The following ZBTB20 variants were observed in gnomAD, a reference collection of about 807,000 sequenced individuals.
ZBTB20 encodes the protein zinc finger and BTB domain containing 20, also known as zinc finger and BTB domain-containing protein 20.
In ZBTB20, 9 loss-of-function variants were observed where a neutral mutation model predicts 56.9. The ratio of observed to expected loss-of-function variants is 0.16; its 90% confidence interval spans 0.10 to 0.28. The LOEUF (loss-of-function observed/expected upper bound fraction) is 0.28. Among genes scored for constraint, ZBTB20 ranks in the 10% least tolerant of loss-of-function variants. The pLI, the probability that ZBTB20 is intolerant of heterozygous loss-of-function variation, is 1.00. For missense variants in ZBTB20, 655 were observed against 1,003.0 expected (o/e 0.65, Z 4.69); for synonymous variants, 417 against 420.7 (o/e 0.99, Z 0.11).
At chr3:114,950,156 T>C (rs533478021) in intron 3 of ZBTB20, among the ~76,000 whole-genome samples, 3 of 152,220 alleles carry the variant, frequency 2.0e-5, no homozygotes, top group South Asian at 2.1e-4. Context: ...CCTTTATCCA[T>C]GGGGAATACA....
chr3:114,964,580 C>G (rs2077576797), intron 3 of ZBTB20, among the ~76,000 whole-genome samples: 1 of 152,120 alleles, frequency 6.6e-6, no homozygotes, highest in South Asian at 2.1e-4. Flanking sequence ...CAGACTATAG[C>G]AGGCTAAATG....
intron 6 of ZBTB20, among the ~76,000 whole-genome samples, chr3:114,576,782 C>T (rs1442533521): frequency 4.4e-5 from 2 of 45,286 alleles, no homozygotes; most frequent in Non-Finnish European, 5.7e-5. Context: ...GGTAATCACA[C>T]ATCAAAAAAG....
At chr3:114,387,743 C>CT (rs2085329097) in intron 8 of ZBTB20, 1 of 152,220 alleles carries the variant, frequency 6.6e-6, no homozygotes, top group South Asian at 2.1e-4. Flanking sequence ...ATTCCTTGCA[C>CT]TTGAACTTAA....
At chr3:114,447,795 G>C (rs558599156) in intron 7 of ZBTB20, among the ~76,000 whole-genome samples, 1 of 152,132 alleles carries the variant, frequency 6.6e-6, no homozygotes, top group Admixed American at 6.5e-5. Flanking sequence ...CAACCACTTA[G>C]AGGCTCTGGA....
chr3:114,351,371 G>C lies in ZBTB20; in HGVS notation c.707C>G (p.Pro236Arg). 6.2e-7 allele frequency: 1 copy of C among 1,611,496 alleles called. No individual in the cohort carries two copies. Residue 236 changes from proline to arginine, a missense_variant, in exon 11 of 12, where the codon CCA becomes CGA. Physicochemically the swap from Pro to Arg is moderately radical, Grantham distance 103 (BLOSUM62 -2). Around this residue, in one of 10 missense-constraint regions of ZBTB20, gnomAD observed 167 missense variants for 281.9 expected, o/e 0.59. Coordinates refer to ENST00000675478, the MANE Select transcript of ZBTB20 (RefSeq NM_001348800.3). ...GTAGATCCTGTCCACGCTGTGCTGT[G>C]GGTGGCTCTGCAGGTAGCCCGACTC... Reference protein sequence around the residue: ...DTESGYLQSHPQHSVDRIYSA... With the variant: ...DTESGYLQSHRQHSVDRIYSA...
chr3:114,621,586 A>G (rs2058322796), intron 6 of ZBTB20, among the ~76,000 whole-genome samples: 1 of 152,178 alleles, frequency 6.6e-6, no homozygotes, highest in Non-Finnish European at 1.5e-5. Flanking sequence ...TTATTGGGGT[A>G]ACAACAATTC....
At chr3:115,146,684 T>G (rs926608815) in intron 1 of ZBTB20, among the ~76,000 whole-genome samples, 4 of 151,996 alleles carry the variant, frequency 2.6e-5, no homozygotes, top group Admixed American at 6.5e-5. Context: ...CCCAGTTCTC[T>G]GAAGACGCTC....
chr3:114,491,744 C>A (rs1053138575), intron 7 of ZBTB20, among the ~76,000 whole-genome samples: 2 of 152,138 alleles, frequency 1.3e-5, no homozygotes, highest in African/African-American at 4.8e-5. Flanking sequence ...GCTTTTCCAA[C>A]CTTCTTTTGA....
At chr3:115,092,830 T>C (rs2083247440) in intron 1 of ZBTB20, among the ~76,000 whole-genome samples, 1 of 152,188 alleles carries the variant, frequency 6.6e-6, no homozygotes, top group Non-Finnish European at 1.5e-5. Context: ...TAATACATTA[T>C]GATATGTAGT....
chr3:115,021,798 A>T (rs993420387), intron 2 of ZBTB20, among the ~76,000 whole-genome samples: 2 of 150,836 alleles, frequency 1.3e-5, no homozygotes, highest in African/African-American at 4.8e-5. Context: ...TATATTTGTC[A>T]AACTAAATAT....
At chr3:114,716,318 C>T (rs975115640) in intron 5 of ZBTB20, among the ~76,000 whole-genome samples, 18 of 152,136 alleles carry the variant, frequency 1.2e-4, no homozygotes, top group African/African-American at 4.1e-4. Context: ...AATTACAGTA[C>T]ATGCCAGGGA....
At chr3:114,913,196 G>A (rs756556638) in intron 3 of ZBTB20, among the ~76,000 whole-genome samples, 58 of 151,820 alleles carry the variant, frequency 3.8e-4, no homozygotes, top group African/African-American at 8.9e-4. Context: ...TTACATTTCC[G>A]CCAACAGTGT....
chr3:114,922,289 T>A (rs2075989570), intron 3 of ZBTB20, among the ~76,000 whole-genome samples: 2 of 152,130 alleles, frequency 1.3e-5, no homozygotes, highest in Admixed American at 1.3e-4. Context: ...ATACTCACTC[T>A]CACTATTTCT....
At chr3:114,372,133 G>C (rs894119340) in intron 10 of ZBTB20, among the ~76,000 whole-genome samples, 2 of 152,212 alleles carry the variant, frequency 1.3e-5, no homozygotes, top group Non-Finnish European at 2.9e-5. Flanking sequence ...AAGTAAGGAT[G>C]TGAGAAGTCT....
intron 1 of ZBTB20, among the ~76,000 whole-genome samples, chr3:115,096,113 T>C (rs941319211): frequency 3.3e-5 from 5 of 152,224 alleles, no homozygotes; most frequent in African/African-American, 7.2e-5. Flanking sequence ...AGTAATTGTA[T>C]AAAATAACAA....
At chr3:114,620,282 GT>G (rs1020976936) in intron 6 of ZBTB20, among the ~76,000 whole-genome samples, 1 of 151,896 alleles carries the variant, frequency 6.6e-6, no homozygotes, top group Admixed American at 6.6e-5. Flanking sequence ...ACATGGACAT[GT>G]TTTTTTCTTT....
At chr3:114,365,250 C>T (rs989778143) in intron 10 of ZBTB20, among the ~76,000 whole-genome samples, 4 of 152,154 alleles carry the variant, frequency 2.6e-5, no homozygotes, top group African/African-American at 9.7e-5. Context: ...AGTGGGATGG[C>T]GGGGACTTCT....
chr3:114,826,072 C>A (rs2073508770), intron 4 of ZBTB20, among the ~76,000 whole-genome samples: 1 of 151,592 alleles, frequency 6.6e-6, no homozygotes, highest in South Asian at 2.1e-4. Context: ...TGTAATTTTG[C>A]CTTTAGTTGC....
intron 3 of ZBTB20, among the ~76,000 whole-genome samples, chr3:114,904,808 T>C (rs554548136): frequency 1.3e-5 from 2 of 151,944 alleles, no homozygotes; most frequent in Non-Finnish European, 2.9e-5. Context: ...TAATCAACAC[T>C]GTGAACTGGA....
Sources: gnomAD v4.1 joint callset for allele counts (sites outside exome capture counted in the v4.1 genomes callset) on GRCh38, gnomAD v4.1.1 for gene constraint, gnomAD v4.1.1 regional missense constraint, MANE v1.5 for transcripts, NCBI Gene and HGNC (gene_info 2026-07-23, HGNC 2026-07-21) for gene names.